The following CCDC144A variants were observed in gnomAD, a reference collection of about 807,000 sequenced individuals.
The protein encoded by CCDC144A is coiled-coil domain containing 144A.
Under a neutral mutation model 143.8 loss-of-function variants are expected in CCDC144A, and 41 were observed. The ratio of observed to expected loss-of-function variants is 0.29; its 90% confidence interval spans 0.22 to 0.37. CCDC144A has a LOEUF of 0.37. Among genes scored for constraint, CCDC144A ranks in the 10% least tolerant of loss-of-function variants. CCDC144A has a pLI of 1.00. For missense variants in CCDC144A, 637 were observed against 1,488.8 expected, an observed-to-expected ratio of 0.43 and a Z score of 9.41; for synonymous variants, 242 against 517.9, an observed-to-expected ratio of 0.47 and a Z score of 7.23.
chr17:16,756,759 T>G (rs1915107102), intron 12 of CCDC144A, among the ~76,000 whole-genome samples: 1 of 151,758 alleles, frequency 6.6e-6, no homozygotes, highest in Non-Finnish European at 1.5e-5. Context: ...AGTCACTTCA[T>G]CTAGTTTTAG....
At chr17:16,768,745 T>A (rs1389259097) in intron 15 of CCDC144A, among the ~76,000 whole-genome samples, 1 of 152,090 alleles carries the variant, frequency 6.6e-6, no homozygotes, top group Non-Finnish European at 1.5e-5. Context: ...AGAGTGAACT[T>A]TGTATTTATT....
In CCDC144A at chr17:16,693,469, C is replaced by T. The variant is rs541623398; in HGVS notation, c.415+420C>T. Reference sequence around the variant, plus strand: ...TAGCTGGGACTACAGGCGCCCGCCACCCCGCCCGGCTAATTTTTTGTATTT... The same window carrying T: ...TAGCTGGGACTACAGGCGCCCGCCATCCCGCCCGGCTAATTTTTTGTATTT... On this transcript the variant is annotated intron_variant, in intron 2 of 16. Transcript: ENST00000399273. 7.3e-4 allele frequency among the ~76,000 whole-genome samples: 111 copies of T among 152,154 alleles called. 1 individual carries two copies. Among genetic ancestry groups the T allele is most frequent in the Admixed American group, 3.9e-3 (59 of 15,288 alleles).
intron 15 of CCDC144A, among the ~76,000 whole-genome samples, chr17:16,771,356 T>C (rs2656413): frequency 2.0e-5 from 3 of 152,394 alleles, no homozygotes; most frequent in African/African-American, 4.8e-5. Context: ...TTTATCCTTG[T>C]TTTTATGTAA....
chr17:16,673,477 C>T, the CCDC144A span, among the ~76,000 whole-genome samples: 1 of 151,842 alleles, frequency 6.6e-6, no homozygotes, highest in African/African-American at 2.4e-5. Flanking sequence ...ACCTCTGCCC[C>T]CTGGGTTCAA....
Position 16,751,501 on chromosome 17 carries a change from T to C in CCDC144A, c.3373-9924T>C, listed in dbSNP as rs2260031. 5.3e-3 allele frequency among the ~76,000 whole-genome samples: 801 copies of C among 152,322 alleles called. 9 individuals carry two copies. Among genetic ancestry groups the C allele is most frequent in the African/African-American group, 0.018 (762 of 41,568 alleles). ...TGGGGAAGGGGGAAAAGTAGGATTG[T>C]GAAGGCGAGAGATAACCCCCTCACC... On this transcript the variant is annotated intron_variant, in intron 12 of 16. Transcript: ENST00000399273.
At chr17:16,668,789 G>T in the CCDC144A span, among the ~76,000 whole-genome samples, 1 of 152,176 alleles carries the variant, frequency 6.6e-6, no homozygotes, top group Non-Finnish European at 1.5e-5. Context: ...AGCCTTGGAG[G>T]CTGGGAAGTC....
chr17:16,738,938 C>G (rs1027540648), intron 12 of CCDC144A, among the ~76,000 whole-genome samples: 1 of 151,110 alleles, frequency 6.6e-6, no homozygotes. Context: ...AATTTCTCCA[C>G]ATCCTTGCCA....
chr17:16,697,757 TATAAAC>T (rs1340856941), intron 2 of CCDC144A, among the ~76,000 whole-genome samples: 5 of 152,172 alleles, frequency 3.3e-5, no homozygotes, highest in Non-Finnish European at 7.3e-5. Context: ...AACTAGGAAA[TATAAAC>T]ATAAAATAAA....
chr17:16,752,538 G>A (rs1463317350), intron 12 of CCDC144A, among the ~76,000 whole-genome samples: 6 of 145,024 alleles, frequency 4.1e-5, no homozygotes, highest in African/African-American at 1.6e-4. Context: ...TTGAATCCGG[G>A]GGGTATTGAG....
chr17:16,686,747 A>AC (rs1910796273), upstream of CCDC144A, among the ~76,000 whole-genome samples: 2 of 140,396 alleles, frequency 1.4e-5, no homozygotes, highest in East Asian at 4.1e-4. Flanking sequence ...CACACACACA[A>AC]ACACACACAC....
At chr17:16,737,001 A>C (rs900422123) in intron 12 of CCDC144A, among the ~76,000 whole-genome samples, 1 of 151,638 alleles carries the variant, frequency 6.6e-6, no homozygotes, top group Non-Finnish European at 1.5e-5. Flanking sequence ...AGTGGGCTGA[A>C]TCTATTGCCT....
intron 12 of CCDC144A, chr17:16,737,501 G>C (rs1914077401): frequency 7.9e-7 from 1 of 1,264,766 alleles, no homozygotes; most frequent in African/African-American, 1.5e-5. Flanking sequence ...TAATAATAAG[G>C]TGATTTATAA....
At chr17:16,694,227 A>G (rs1911269347) in intron 2 of CCDC144A, among the ~76,000 whole-genome samples, 1 of 152,012 alleles carries the variant, frequency 6.6e-6, no homozygotes, top group African/African-American at 2.4e-5. Context: ...AAAAAAAGAA[A>G]TTAGTTTCAA....
At chr17:16,712,003 G>A (rs999142921) in intron 6 of CCDC144A, 188 bp downstream of exon 6, 4 of 830,252 alleles carry the variant, frequency 4.8e-6, no homozygotes, top group African/African-American at 1.7e-5. Context: ...AGTGGTGCAT[G>A]CCTGTAATCC....
At chr17:16,683,639 C>A in the CCDC144A span, 22 of 1,610,412 alleles carry the variant, frequency 1.4e-5, no homozygotes, top group Admixed American at 5.0e-5. Context: ...AGGCCTGGGA[C>A]TTTGTCAGGA....
intron 1 of CCDC144A, among the ~76,000 whole-genome samples, chr17:16,691,485 G>C (rs968300637): frequency 2.7e-5 from 4 of 150,260 alleles, no homozygotes; most frequent in Non-Finnish European, 5.9e-5. Context: ...GCTTTGGCAG[G>C]GTGCAGTGGC....
intron 8 of CCDC144A, among the ~76,000 whole-genome samples, chr17:16,722,659 C>A (rs2266408): frequency 1.5e-3 from 235 of 152,268 alleles, no homozygotes; most frequent in African/African-American, 5.4e-3. Flanking sequence ...AACTCCTTTG[C>A]GCTTCATCTG....
the CCDC144A span, among the ~76,000 whole-genome samples, chr17:16,672,753 T>A: frequency 6.6e-6 from 1 of 152,314 alleles, no homozygotes; most frequent in South Asian, 2.1e-4. Context: ...CATATTTTTC[T>A]AGTCTAATTC....
At chr17:16,677,491 T>G in the CCDC144A span, among the ~76,000 whole-genome samples, 1 of 152,002 alleles carries the variant, frequency 6.6e-6, no homozygotes, top group South Asian at 2.1e-4. Context: ...AAATTCCCTA[T>G]GTGATGGTCT....
Sources: allele counts gnomAD v4.1 joint callset (sites outside exome capture counted in the v4.1 genomes callset), GRCh38; gene constraint gnomAD v4.1.1; transcripts MANE v1.5; gene names NCBI Gene and HGNC (gene_info 2026-07-23, HGNC 2026-07-21).